Variants in STARD8 observed in about 807,000 individuals in gnomAD.
STARD8 encodes the protein StAR related lipid transfer domain containing 8, also known as stAR-related lipid transfer protein 8.
Under a neutral mutation model 69.4 loss-of-function variants are expected in STARD8, and 25 were observed. The observed-to-expected ratio is 0.36, with a 90% CI of 0.26 to 0.50. The LOEUF is 0.50. Among genes scored for constraint, STARD8 ranks in the 20% least tolerant of loss-of-function variants. The pLI, the probability that STARD8 is intolerant of heterozygous loss-of-function variation, is 0.96. For synonymous variants in STARD8, 389 were observed against 374.6 expected, an observed-to-expected ratio of 1.04 and a Z score of -0.45; for missense variants, 921 against 932.5, an observed-to-expected ratio of 0.99 and a Z score of 0.16.
At chrX:68,665,458 A>G (rs376596610) in intron 1 of STARD8, 41 bp from the exon 2 acceptor site, 11 of 1,191,445 alleles carry the variant, frequency 9.2e-6, no homozygotes, top group Non-Finnish European at 1.0e-5. Context: ...CAGATATTGC[A>G]TCTCTGCAAT....
intron 2 of STARD8, among the ~76,000 whole-genome samples, chrX:68,694,139 G>T (rs2079900671): frequency 8.8e-6 from 1 of 113,126 alleles, no homozygotes; most frequent in African/African-American, 3.2e-5. Flanking sequence ...CGCAGCCGTC[G>T]CTCTGGGGCT....
chrX:68,653,058 C>CAT (rs2079570192), intron 1 of STARD8, among the ~76,000 whole-genome samples: 1 of 42,145 alleles, frequency 2.4e-5, no homozygotes, highest in Non-Finnish European at 4.5e-5. Context: ...ACACACCACA[C>CAT]ACACCACACA....
At chrX:68,663,988 T>C (rs1791396504) in intron 1 of STARD8, among the ~76,000 whole-genome samples, 1 of 111,632 alleles carries the variant, frequency 9.0e-6, no homozygotes, top group Admixed American at 9.5e-5. Flanking sequence ...ATCAGACCTT[T>C]AGTCATTTTA....
chrX:68,715,764 T>G (rs1173918319), intron 4 of STARD8, among the ~76,000 whole-genome samples: 1 of 111,499 alleles, frequency 9.0e-6, no homozygotes, highest in East Asian at 2.8e-4. Flanking sequence ...CCTCTCCCTC[T>G]TCCCTCACCC....
rs1332778411 is a variant in STARD8 at position 68,721,031 on chromosome X, C to T, written c.2157C>T (p.Asp719=). ...NVCYEGQSAY[D]VADLLKQYFR... Reference sequence around the variant, plus strand: ...GCTACGAGGGCCAGTCAGCCTACGACGTGGCTGACCTGCTAAAGCAGTATT... The same window carrying T: ...GCTACGAGGGCCAGTCAGCCTACGATGTGGCTGACCTGCTAAAGCAGTATT... Residue 719 remains aspartate (D), a synonymous_variant, in exon 9 of 15, where the codon GAC becomes GAT. Transcript: ENST00000374599. 8.3e-6 allele frequency: 10 copies of T among 1,210,003 alleles called. No individual in the cohort carries two copies. The highest frequency in any genetic ancestry group is 2.3e-4 in the Middle Eastern group (1 of 4,377).
chrX:68,682,016 T>C (rs953812480), intron 2 of STARD8, among the ~76,000 whole-genome samples: 1 of 108,018 alleles, frequency 9.3e-6, no homozygotes. Flanking sequence ...TTTTTTTTTT[T>C]CAGACAGAGT....
intron 2 of STARD8, among the ~76,000 whole-genome samples, chrX:68,668,061 CTTT>C (rs2079695712): frequency 3.9e-5 from 2 of 50,764 alleles, no homozygotes; most frequent in African/African-American, 1.7e-4. Context: ...TCTTTCTTTT[CTTT>C]CTTTCTTTCT....
At chrX:68,648,705 A>T (rs141275265) in intron 1 of STARD8, among the ~76,000 whole-genome samples, 4,023 of 112,322 alleles carry the variant, frequency 0.036, 155 homozygotes, top group African/African-American at 0.12. Context: ...ATTGTGCTAA[A>T]TAGTCAGTTT....
At chrX:68,712,336 G>C (rs929865316) in intron 2 of STARD8, among the ~76,000 whole-genome samples, 1 of 112,710 alleles carries the variant, frequency 8.9e-6, no homozygotes, top group Non-Finnish European at 1.9e-5. Flanking sequence ...TCCACTGTGA[G>C]ACCATAGGCT....
chrX:68,690,435 GC>G (rs200839004), intron 2 of STARD8, among the ~76,000 whole-genome samples: 1,530 of 106,655 alleles, frequency 0.014, 34 homozygotes, highest in African/African-American at 0.047. Flanking sequence ...GGCAGGCAGG[GC>G]GGGGGGACTG....
At chrX:68,650,540 G>T (rs1391275158) in intron 1 of STARD8, among the ~76,000 whole-genome samples, 2 of 105,965 alleles carry the variant, frequency 1.9e-5, no homozygotes, top group East Asian at 3.0e-4. Flanking sequence ...ATGGTGTCAC[G>T]CCTGTAATCC....
intron 2 of STARD8, among the ~76,000 whole-genome samples, chrX:68,682,091 C>T (rs912257823): frequency 3.7e-5 from 4 of 109,122 alleles, no homozygotes; most frequent in African/African-American, 6.7e-5. Context: ...CTCCGCCTCC[C>T]GGTTTCAAGT....
intron 1 of STARD8, among the ~76,000 whole-genome samples, chrX:68,664,848 G>A (rs939363450): frequency 3.6e-5 from 4 of 112,510 alleles, no homozygotes; most frequent in African/African-American, 1.3e-4. Flanking sequence ...CACTGGTATT[G>A]TATAAATATT....
At chrX:68,651,834 C>T (rs1048847508) in intron 1 of STARD8, among the ~76,000 whole-genome samples, 1 of 108,412 alleles carries the variant, frequency 9.2e-6, no homozygotes, top group Non-Finnish European at 1.9e-5. Context: ...AGAAATGCCA[C>T]GAACATTTGG....
intron 2 of STARD8, among the ~76,000 whole-genome samples, chrX:68,691,892 C>T (rs762260081): frequency 8.9e-6 from 1 of 112,403 alleles, no homozygotes; most frequent in South Asian, 3.7e-4. Context: ...TTTGGTTGTG[C>T]TTTGAATATC....
In STARD8 at chrX:68,722,868, T is replaced by A. The variant is rs912424258; in HGVS notation, c.2799+222T>A. Among the ~76,000 whole-genome samples the A allele has an allele frequency of 2.7e-5, 3 of 112,677 alleles. No individual in the cohort carries two copies. The Admixed American group carries it at 2.8e-4, about 11-fold the overall frequency. ...CTCTCTCAGGAACCACCTGCCAGAATGACCTTCCAAAAGCCCCGTTCCAGA... is the reference window on the plus strand; with the variant it reads ...CTCTCTCAGGAACCACCTGCCAGAAAGACCTTCCAAAAGCCCCGTTCCAGA... On this transcript the variant is annotated intron_variant, in intron 12 of 14. Coordinates refer to ENST00000374599, the MANE Select transcript of STARD8 (RefSeq NM_001142503.3).
chrX:68,704,463 G>A (rs1039604104), intron 2 of STARD8, among the ~76,000 whole-genome samples: 1 of 111,191 alleles, frequency 9.0e-6, no homozygotes, highest in African/African-American at 3.3e-5. Flanking sequence ...CAGCTGGCAG[G>A]ATGGCCCCTT....
In STARD8 at chrX:68,650,527, G is replaced by C. The variant is rs201287296; in HGVS notation, c.45+2600G>C. On this transcript the variant is annotated intron_variant, in intron 1 of 14. Coordinates refer to ENST00000374599, the MANE Select transcript of STARD8 (RefSeq NM_001142503.3). ...AGGAGGAGGAGGAATAGTAATTATA[G>C]GTATGGTGTCACGCCTGTAATCCCA... is the stretch of plus-strand genomic sequence containing the variant. 4.8e-4 allele frequency among the ~76,000 whole-genome samples: 50 copies of C among 104,854 alleles called. No individual in the cohort carries two copies. The East Asian group carries it at 0.01, about 21-fold the overall frequency. 91.1% of individuals were successfully genotyped at this position (104,854 alleles called of 115,157 possible).
rs369123820 is a variant in STARD8, at chrX:68,722,027, C to A, written c.2460-20C>A. ...TGCTCTTGTGCCATCTCTCCTCTCA[C>A]CACCTCCTGCTCCATCTAGGATCAA... On this transcript the variant is annotated intron_variant, in intron 10 of 14. Coordinates refer to ENST00000374599, the MANE Select transcript of STARD8 (RefSeq NM_001142503.3). 8.6e-7 allele frequency: 1 copy of A among 1,165,250 alleles called. No homozygotes were observed. The highest frequency in any genetic ancestry group is 1.2e-6 in the Non-Finnish European group (1 of 860,988).
Sources: gnomAD v4.1 joint callset for allele counts (sites outside exome capture counted in the v4.1 genomes callset) on GRCh38, gnomAD v4.1.1 for gene constraint, MANE v1.5 for transcripts, NCBI Gene and HGNC (gene_info 2026-07-23, HGNC 2026-07-21) for gene names.